Variants in NR4A3 observed in about 807,000 individuals in gnomAD.
NR4A3 encodes the protein chondrosarcoma, extraskeletal myxoid, fused to EWS.
Under a neutral mutation model 55.6 loss-of-function variants are expected in NR4A3, and 13 were observed. That is an observed-to-expected ratio of 0.23 (90% CI 0.15 to 0.37). The LOEUF (loss-of-function observed/expected upper bound fraction) is 0.37. Ranked by LOEUF, NR4A3 falls within the 10% of genes least tolerant of loss-of-function variation. The probability of loss-of-function intolerance (pLI) is 1.00; values close to 1 mark genes in which losing one functional copy is unlikely to be tolerated. For missense variants in NR4A3, 646 were observed against 822.8 expected, an observed-to-expected ratio of 0.79 and a Z score of 2.63; for synonymous variants, 342 against 357.9, an observed-to-expected ratio of 0.96 and a Z score of 0.50.
intron 7 of NR4A3, among the ~76,000 whole-genome samples, chr9:99,850,508 T>C (rs1317830213): frequency 3.3e-5 from 5 of 152,180 alleles, no homozygotes; most frequent in Admixed American, 3.3e-4. Context: ...TGGTCCTCTT[T>C]CTGCATCCCA....
intron 7 of NR4A3, among the ~76,000 whole-genome samples, chr9:99,849,111 C>T (rs1244423927): frequency 6.6e-6 from 1 of 152,232 alleles, no homozygotes; most frequent in East Asian, 1.9e-4. Flanking sequence ...CTTTCTGTTT[C>T]ACTGGAAATG....
At chr9:99,850,229 C>T (rs1030555139) in intron 7 of NR4A3, among the ~76,000 whole-genome samples, 4 of 151,962 alleles carry the variant, frequency 2.6e-5, no homozygotes, top group Non-Finnish European at 4.4e-5. Flanking sequence ...GTCAGGTTTG[C>T]GTTTTAGAAA....
At position 99,828,504 on chromosome 9, in the gene NR4A3, G is replaced by A. The variant is rs775860896; in HGVS notation, c.462G>A (p.Ala154=). 10 of 1,581,120 alleles carry A rather than the reference G, an allele frequency of 6.3e-6. No homozygotes were observed. The highest frequency in any genetic ancestry group is 8.6e-6 in the Non-Finnish European group (10 of 1,165,804). The change falls in exon 3 of 8, where the codon GCG becomes GCA. Residue 154 remains alanine, a synonymous_variant. Coordinates refer to ENST00000395097, the MANE Select transcript of NR4A3 (RefSeq NM_006981.4). This position sits in a 1 kb window ranked among gnomAD's most constrained non-coding sequence, Gnocchi z 7.7. ...CGGCCTTCCCCCCGCAGGCGGGGGC[G>A]TTATGGGACGAGGCACTGCCCTCGG... ...TTPAFPPQAG[A]LWDEALPSAP...
intron 5 of NR4A3, chr9:99,834,126 C>T (rs1021749572): frequency 1.7e-5 from 14 of 809,796 alleles, no homozygotes; most frequent in African/African-American, 5.5e-5. Context: ...CCATAAATGA[C>T]GATTGGTGTT....
chr9:99,864,068 G>T lies in NR4A3; in HGVS notation c.*201G>T. Reference sequence around the variant, plus strand: ...AAAACTTGCAGAGTATTGTGTTGGGGTTGTGTTTTATATTTAGGCATTGGG... The same window carrying T: ...AAAACTTGCAGAGTATTGTGTTGGGTTTGTGTTTTATATTTAGGCATTGGG... On this transcript the variant is annotated 3_prime_UTR_variant, in exon 8 of 8. Coordinates refer to ENST00000395097, the MANE Select transcript of NR4A3 (RefSeq NM_006981.4). 78 of 429,534 alleles carry T rather than the reference G, an allele frequency of 1.8e-4. No homozygotes were observed. Among genetic ancestry groups the T allele is most frequent in the Middle Eastern group, 7.0e-4 (1 of 1,424 alleles). The allele number at this position is 429,534 out of a possible 1,614,324, so 26.6% of individuals were successfully genotyped here. A position where few individuals can be genotyped will look rare whatever the true frequency, so the allele number is the denominator to read the frequency against.
rs1317785701 is a variant in NR4A3 at position 99,825,049 on chromosome 9, C to T, written c.-176-610C>T. ...CGCTGTGCCCTTTTGTTTGCTTGAC[C>T]CCTGGCCCTCGAAACTCGCGGCTAA... On this transcript the variant is annotated intron_variant, in intron 1 of 7. Transcript: ENST00000395097. The surrounding 1 kb of genome is among the most constrained non-coding windows in gnomAD (Gnocchi z 5.0). 1.3e-5 allele frequency among the ~76,000 whole-genome samples: 2 copies of T among 152,202 alleles called. No individual in the cohort carries two copies. Among genetic ancestry groups the T allele is most frequent in the African/African-American group, 2.4e-5 (1 of 41,452 alleles).
rs11370881 is a variant in NR4A3, at chr9:99,860,214, G to GTT, written c.1634-3396_1634-3395dup. 3.2e-4 allele frequency among the ~76,000 whole-genome samples: 48 copies of GTT among 148,294 alleles called. No homozygotes were observed. The South Asian group carries it at 4.3e-3, about 13-fold the overall frequency. ...CTACTCTTTATTTAATGTTGTAAAC[G>GTT]TTTTTTTTTTTAATTTTGCTTCATG... On this transcript the variant is annotated intron_variant, in intron 7 of 7. Coordinates refer to ENST00000395097, the MANE Select transcript of NR4A3 (RefSeq NM_006981.4).
chr9:99,862,610 A>G (rs1828029180), intron 7 of NR4A3, among the ~76,000 whole-genome samples: 1 of 149,568 alleles, frequency 6.7e-6, no homozygotes, highest in Non-Finnish European at 1.5e-5. Flanking sequence ...TCTGAAGTCT[A>G]AATGTTGAGG....
intron 1 of NR4A3, among the ~76,000 whole-genome samples, chr9:99,824,189 CGCTGG>C (rs1827247616): frequency 6.6e-6 from 1 of 152,128 alleles, no homozygotes; most frequent in Non-Finnish European, 1.5e-5. Context: ...AGCGGCGGGG[CGCTGG>C]GCTGGGCTGG....
At chr9:99,837,234 T>C (rs1294219704) in intron 5 of NR4A3, among the ~76,000 whole-genome samples, 3 of 152,202 alleles carry the variant, frequency 2.0e-5, no homozygotes, top group African/African-American at 7.2e-5. Context: ...TGTGGTATTA[T>C]TTATGGTTTG....
chr9:99,863,400 T>C (rs1429893594), intron 7 of NR4A3, among the ~76,000 whole-genome samples: 1 of 152,112 alleles, frequency 6.6e-6, no homozygotes, highest in Non-Finnish European at 1.5e-5. Flanking sequence ...GTAAAGAGAC[T>C]TACTCTAGGG....
At position 99,866,453 on chromosome 9, in the gene NR4A3, T is replaced by C. The variant is rs1458226727; in HGVS notation, c.*2586T>C. On this transcript the variant is annotated 3_prime_UTR_variant, in exon 8 of 8. Transcript: ENST00000395097. ...AGGAATGAAGAAGCTTTTTTAGTAATAGGTCCAGATATGAGTGCTAAAAAT... is the reference window on the plus strand; with the variant it reads ...AGGAATGAAGAAGCTTTTTTAGTAACAGGTCCAGATATGAGTGCTAAAAAT... 1 of 226,446 alleles carries C rather than the reference T, an allele frequency of 4.4e-6. No individual in the cohort carries two copies. Among genetic ancestry groups the C allele is most frequent in the Non-Finnish European group, 8.8e-6 (1 of 113,542 alleles). 14.0% of individuals were successfully genotyped at this position (226,446 alleles called of 1,614,324 possible). A position where few individuals can be genotyped will look rare whatever the true frequency, so the allele number is the denominator to read the frequency against.
intron 7 of NR4A3, among the ~76,000 whole-genome samples, chr9:99,859,504 T>C (rs1039498875): frequency 6.6e-6 from 1 of 152,198 alleles, no homozygotes; most frequent in African/African-American, 2.4e-5. Flanking sequence ...CAGTGGCTGT[T>C]CAAAACAACA....
At position 99,834,358 on chromosome 9, in the gene NR4A3, G is replaced by C. The variant is rs571059811; in HGVS notation, c.1254+904G>C. ...TAGCAAAACAGGGTCTCAATGAAGA[G>C]GGAAGAGAAGGAAAAAAAATCACAA... On this transcript the variant is annotated intron_variant, in intron 5 of 7. Coordinates refer to ENST00000395097, the MANE Select transcript of NR4A3 (RefSeq NM_006981.4). Among the ~76,000 whole-genome samples the C allele has an allele frequency of 3.3e-5, 5 of 152,178 alleles. No homozygotes were observed. The South Asian group carries it at 1.0e-3, about 32-fold the overall frequency.
At position 99,840,261 on chromosome 9, in the gene NR4A3, TG is replaced by T. The variant is rs141745883; in HGVS notation, c.1255-4385del. Among the ~76,000 whole-genome samples the T allele has an allele frequency of 1.7e-3, 264 of 152,242 alleles. 1 individual carries two copies. The highest frequency in any genetic ancestry group is 6.1e-3 in the African/African-American group (252 of 41,552). On this transcript the variant is annotated intron_variant, in intron 5 of 7. Coordinates refer to ENST00000395097, the MANE Select transcript of NR4A3 (RefSeq NM_006981.4). ...ATCAGAGAAAAGTACACACACAGGG[TG>T]GGCAGGGACTTCACTTCCCTGTGTG...
intron 7 of NR4A3, among the ~76,000 whole-genome samples, chr9:99,862,005 GA>G (rs1354690800): frequency 2.0e-5 from 3 of 151,566 alleles, no homozygotes; most frequent in African/African-American, 4.9e-5. Context: ...GAGGCAGGAG[GA>G]TCACTTAAGC....
Position 99,828,773 on chromosome 9 carries a change from G to A in NR4A3, c.731G>A (p.Gly244Glu), listed in dbSNP as rs781254781. Residue 244 changes from glycine to glutamate, a missense_variant, in exon 3 of 8, where the codon GGG (glycine) becomes GAG (glutamate). Physicochemically the swap from Gly to Glu is moderately conservative, Grantham distance 98. Transcript: ENST00000395097. This position sits in a 1 kb window ranked among gnomAD's most constrained non-coding sequence, Gnocchi z 7.7. ...QAAALESHPYGLPLAKRAAPL... is the reference protein window; with the variant it reads ...QAAALESHPYELPLAKRAAPL... Reference sequence around the variant, plus strand: ...GCCGCGCTTGAGAGCCACCCGTACGGGCTGCCGCTGGCCAAGAGGGCGGCC... The same window carrying A: ...GCCGCGCTTGAGAGCCACCCGTACGAGCTGCCGCTGGCCAAGAGGGCGGCC... 6.9e-7 allele frequency: 1 copy of A among 1,446,610 alleles called. No individual in the cohort carries two copies. Among genetic ancestry groups the A allele is most frequent in the South Asian group, 1.3e-5 (1 of 75,198 alleles). The allele number at this position is 1,446,610 out of a possible 1,614,324, so 89.6% of individuals were successfully genotyped here.
chr9:99,863,957 GTCCT>G lies in NR4A3; in HGVS notation c.*96_*99del, dbSNP rs1372710706. 2 of 1,426,564 alleles carry G rather than the reference GTCCT, an allele frequency of 1.4e-6. No individual in the cohort carries two copies. Among genetic ancestry groups the G allele is most frequent in the Non-Finnish European group, 1.9e-6 (2 of 1,059,046 alleles). The allele number at this position is 1,426,564 out of a possible 1,614,324, so 88.4% of individuals were successfully genotyped here. On this transcript the variant is annotated 3_prime_UTR_variant, in exon 8 of 8. Transcript: ENST00000395097. ...TAGGTTTGGAAACCTATCATTTCCTGTCCTTCCTTAAGAGGAAAAGCAGCTCCTG... is the reference window on the plus strand; with the variant it reads ...TAGGTTTGGAAACCTATCATTTCCTGTCCTTAAGAGGAAAAGCAGCTCCTG...
chr9:99,849,521 T>A (rs1827813414), intron 7 of NR4A3, among the ~76,000 whole-genome samples: 1 of 152,192 alleles, frequency 6.6e-6, no homozygotes, highest in South Asian at 2.1e-4. Context: ...TATTACTTCA[T>A]CAGGACTGGA....
Sources: allele counts gnomAD v4.1 joint callset (sites outside exome capture counted in the v4.1 genomes callset), GRCh38; gene constraint gnomAD v4.1.1; non-coding constraint Gnocchi (gnomAD v3.1); transcripts MANE v1.5; gene names NCBI Gene and HGNC (gene_info 2026-07-23, HGNC 2026-07-21).